The following CPLANE1 variants were observed in gnomAD, a reference collection of about 807,000 sequenced individuals.
The protein encoded by CPLANE1 is ciliogenesis and planar polarity effector complex subunit 1.
A neutral mutation model predicts 362.5 loss-of-function variants in CPLANE1; 263 were observed. That is an observed-to-expected ratio of 0.73 (90% CI 0.66 to 0.80). The LOEUF (loss-of-function observed/expected upper bound fraction) is 0.80, where lower values mean the gene tolerates loss of function less well. CPLANE1 is among the 30% of genes least tolerant of loss of function. The pLI, the probability that CPLANE1 is intolerant of heterozygous loss-of-function variation, is 0.00. For missense variants in CPLANE1, 3,461 were observed against 3,793.4 expected (o/e 0.91, Z 2.30); for synonymous variants, 1,212 against 1,302.6 (o/e 0.93, Z 1.50).
chr5:37,201,766 A>G lies in CPLANE1; in HGVS notation c.3332T>C (p.Val1111Ala). Residue 1111 changes from valine (V) to alanine (A), a missense_variant, in exon 19 of 53, where the codon GTA (valine) becomes GCA (alanine). Physicochemically the swap from Val to Ala is moderately conservative, Grantham distance 64. Coordinates refer to ENST00000651892, the MANE Select transcript of CPLANE1 (RefSeq NM_001384732.1). Reference protein sequence around the residue: ...EEDANLLFGSVQEVLKASVMA... With the variant: ...EEDANLLFGSAQEVLKASVMA... ...AACTGATGCTTTCAGTACTTCTTGTACTGAACCAAATAGCAGATTTGCATC... is the reference window on the plus strand; with the variant it reads ...AACTGATGCTTTCAGTACTTCTTGTGCTGAACCAAATAGCAGATTTGCATC... 6.2e-7 allele frequency: 1 copy of G among 1,614,076 alleles called. No individual in the cohort carries two copies. Among genetic ancestry groups the G allele is most frequent in the East Asian group, 2.2e-5 (1 of 44,868 alleles).
intron 51 of CPLANE1, among the ~76,000 whole-genome samples, chr5:37,109,484 T>A (rs1758492892): frequency 6.6e-6 from 1 of 152,178 alleles, no homozygotes. Context: ...ATCACCTACA[T>A]GCTGACAGCT....
At chr5:37,120,178 C>A in intron 50 of CPLANE1, 38 bp downstream of exon 50, 1 of 1,583,128 alleles carries the variant, frequency 6.3e-7, no homozygotes, top group Non-Finnish European at 8.5e-7. Context: ...AGGAATAGGT[C>A]CAAATCAGAC....
At chr5:37,211,332 A>G (rs1358861390) in intron 16 of CPLANE1, 2 of 1,506,648 alleles carry the variant, frequency 1.3e-6, no homozygotes, top group Admixed American at 2.2e-5. Flanking sequence ...TCGGAGAGAC[A>G]TTAAAAACTC....
chr5:37,085,869 C>A, the CPLANE1 span: 2 of 1,004,970 alleles, frequency 2.0e-6, no homozygotes, highest in Non-Finnish European at 3.1e-6. Context: ...CCCTGGGTGA[C>A]GTGTTAAATC....
intron 50 of CPLANE1, among the ~76,000 whole-genome samples, chr5:37,116,566 C>A (rs1761052688): frequency 6.8e-6 from 1 of 147,980 alleles, no homozygotes; most frequent in Admixed American, 6.7e-5. Flanking sequence ...TTGCAGTGAG[C>A]CATGATCACG....
At chr5:37,100,182 CA>C in the CPLANE1 span, among the ~76,000 whole-genome samples, 1 of 152,212 alleles carries the variant, frequency 6.6e-6, no homozygotes, top group Non-Finnish European at 1.5e-5. Context: ...AAATCTTTGC[CA>C]GTGCTGATGT....
At chr5:37,079,351 T>C in the CPLANE1 span, among the ~76,000 whole-genome samples, 269 of 152,338 alleles carry the variant, frequency 1.8e-3, no homozygotes, top group African/African-American at 6.4e-3. Flanking sequence ...TTGTTGAAGA[T>C]CAGATGGTTG....
intron 43 of CPLANE1, among the ~76,000 whole-genome samples, chr5:37,147,412 A>C (rs191039781): frequency 7.5e-4 from 115 of 152,338 alleles, no homozygotes; most frequent in South Asian, 1.4e-3. Flanking sequence ...AGCTAAAGAA[A>C]TCATAATGCG....
chr5:37,190,966 C>G (rs1462715699), intron 21 of CPLANE1, among the ~76,000 whole-genome samples: 1 of 151,968 alleles, frequency 6.6e-6, no homozygotes, highest in Non-Finnish European at 1.5e-5. Flanking sequence ...GTTATTTTAG[C>G]GTATACTCTT....
chr5:37,233,010 GAA>G (rs1798097776), intron 8 of CPLANE1, among the ~76,000 whole-genome samples: 1 of 152,098 alleles, frequency 6.6e-6, no homozygotes, highest in South Asian at 2.1e-4. Flanking sequence ...AACAGTAAGA[GAA>G]AAATCCACAG....
At chr5:37,225,874 AAG>A (rs1554105637) in intron 12 of CPLANE1, among the ~76,000 whole-genome samples, 2 of 151,210 alleles carry the variant, frequency 1.3e-5, no homozygotes, top group Non-Finnish European at 3.0e-5. Context: ...AAAAAAAAAA[AAG>A]AGGTCATTTT....
In CPLANE1 at chr5:37,173,752, T is replaced by A; in HGVS notation, c.6171+3A>T. The A allele has an allele frequency of 1.9e-6, 3 of 1,612,148 alleles. No homozygotes were observed. Among genetic ancestry groups the A allele is most frequent in the Non-Finnish European group, 1.7e-6 (2 of 1,178,602 alleles). On this transcript the variant is annotated splice_donor_region_variant and intron_variant, in intron 32 of 52. Transcript: ENST00000651892. Reference sequence around the variant, plus strand: ...TTACTTACTTATATAGAGATGTGCTTACCTGAACTAATTTAAACATTTCAT... The same window carrying A: ...TTACTTACTTATATAGAGATGTGCTAACCTGAACTAATTTAAACATTTCAT...
the CPLANE1 span, among the ~76,000 whole-genome samples, chr5:37,081,532 A>G: frequency 6.6e-6 from 1 of 152,048 alleles, no homozygotes; most frequent in Non-Finnish European, 1.5e-5. Context: ...CATGTTGGCC[A>G]GGCTGGTCTC....
At chr5:37,164,046 T>C (rs1777590939) in intron 37 of CPLANE1, among the ~76,000 whole-genome samples, 1 of 152,204 alleles carries the variant, frequency 6.6e-6, no homozygotes, top group Non-Finnish European at 1.5e-5. Context: ...CACCACTGCG[T>C]ATCCTTTATA....
intron 20 of CPLANE1, among the ~76,000 whole-genome samples, chr5:37,198,125 T>C (rs1788071160): frequency 6.6e-6 from 1 of 152,194 alleles, no homozygotes; most frequent in South Asian, 2.1e-4. Context: ...ATAAAGGATT[T>C]TCAGCTAGAT....
intron 46 of CPLANE1, among the ~76,000 whole-genome samples, chr5:37,129,308 G>C (rs536734781): frequency 6.6e-6 from 1 of 152,250 alleles, no homozygotes; most frequent in South Asian, 2.1e-4. Context: ...AATTCTAGAA[G>C]ATAACATCAG....
chr5:37,212,524 A>C, intron 16 of CPLANE1: 2 of 545,810 alleles, frequency 3.7e-6, no homozygotes, highest in Non-Finnish European at 6.8e-6. Context: ...GAAACTACAA[A>C]TGTTTTCGTA....
chr5:37,215,821 TTTTTTTCTTTTTTTC>T (rs1793927792), intron 15 of CPLANE1, among the ~76,000 whole-genome samples: 3 of 147,232 alleles, frequency 2.0e-5, no homozygotes, highest in South Asian at 4.3e-4. Context: ...TGATATAAGA[TTTTTTTCTTTTTTTC>T]TTTTTTGTTT....
the CPLANE1 span, among the ~76,000 whole-genome samples, chr5:37,093,132 G>A: frequency 6.6e-6 from 1 of 152,150 alleles, no homozygotes; most frequent in Non-Finnish European, 1.5e-5. Flanking sequence ...TATAGTCTCA[G>A]CCATAGTCAT....
Sources: allele counts gnomAD v4.1 joint callset (sites outside exome capture counted in the v4.1 genomes callset), GRCh38; gene constraint gnomAD v4.1.1; transcripts MANE v1.5; gene names NCBI Gene and HGNC (gene_info 2026-07-23, HGNC 2026-07-21).